The following UBE2H variants were observed in gnomAD, a reference collection of about 807,000 sequenced individuals.
The protein encoded by UBE2H is ubiquitin-conjugating enzyme E2 H.
In UBE2H, 3 loss-of-function variants were observed where a neutral mutation model predicts 29.0. That is an observed-to-expected ratio of 0.10 (90% CI 0.05 to 0.27). The LOEUF is 0.27. Among genes scored for constraint, UBE2H ranks in the 10% least tolerant of loss-of-function variants. The pLI is 1.00. For missense variants in UBE2H, 68 were observed against 228.2 expected (o/e 0.30, Z 4.52); for synonymous variants, 69 against 82.9 (o/e 0.83, Z 0.91).
intron 3 of UBE2H, among the ~76,000 whole-genome samples, chr7:129,870,870 C>T (rs919213117): frequency 2.0e-5 from 3 of 152,224 alleles, no homozygotes; most frequent in African/African-American, 7.2e-5. Context: ...GTGTCACACA[C>T]CTCACATTTT....
intron 1 of UBE2H, among the ~76,000 whole-genome samples, chr7:129,934,878 A>C (rs1000277672): frequency 4.6e-5 from 7 of 151,170 alleles, no homozygotes; most frequent in African/African-American, 1.7e-4. Flanking sequence ...AACAGACAGG[A>C]CAAGACCCCA....
Position 129,848,707 on chromosome 7 carries a change from G to T in UBE2H, c.298+8804C>A, listed in dbSNP as rs73469787. Among the ~76,000 whole-genome samples, 1,495 of 152,276 alleles carry T rather than the reference G, an allele frequency of 9.8e-3. 25 individuals carry two copies. Among genetic ancestry groups the T allele is most frequent in the African/African-American group, 0.034 (1,413 of 41,540 alleles). On this transcript the variant is annotated intron_variant, in intron 5 of 6. Coordinates refer to ENST00000355621, the MANE Select transcript of UBE2H (RefSeq NM_003344.4). Reference sequence around the variant, plus strand: ...TTAGGAACTGTATTGAATTCGTCATGAACTGCCACGCAAGTCATGAATTTT... The same window carrying T: ...TTAGGAACTGTATTGAATTCGTCATTAACTGCCACGCAAGTCATGAATTTT...
intron 1 of UBE2H, among the ~76,000 whole-genome samples, chr7:129,942,993 C>A (rs751704810): frequency 6.6e-6 from 1 of 151,990 alleles, no homozygotes; most frequent in Admixed American, 6.6e-5. Context: ...CAGGTGTGCA[C>A]CACCACACCC....
At chr7:129,888,778 A>G (rs1177744953) in intron 1 of UBE2H, among the ~76,000 whole-genome samples, 1 of 152,192 alleles carries the variant, frequency 6.6e-6, no homozygotes, top group East Asian at 1.9e-4. Context: ...CCCAGCCACA[A>G]AAACTACTCT....
At chr7:129,877,278 C>T (rs1053395896) in intron 3 of UBE2H, among the ~76,000 whole-genome samples, 1 of 152,120 alleles carries the variant, frequency 6.6e-6, no homozygotes, top group African/African-American at 2.4e-5. Context: ...GAACACTACA[C>T]CTACCCAGAT....
chr7:129,919,101 A>T (rs1402029882), intron 1 of UBE2H, among the ~76,000 whole-genome samples: 11 of 50,052 alleles, frequency 2.2e-4, no homozygotes, highest in African/African-American at 5.2e-4. Flanking sequence ...AAAACAAAGT[A>T]AAAAAAAAAA....
intron 6 of UBE2H, among the ~76,000 whole-genome samples, chr7:129,836,729 A>C (rs552410418): frequency 6.6e-6 from 1 of 151,898 alleles, no homozygotes; most frequent in East Asian, 1.9e-4. Context: ...AAATACAAAA[A>C]ACTAGCTGGA....
intron 5 of UBE2H, among the ~76,000 whole-genome samples, chr7:129,848,496 T>C (rs531291885): frequency 3.8e-4 from 58 of 152,322 alleles, no homozygotes; most frequent in Non-Finnish European, 6.5e-4. Context: ...GAGGAAAACA[T>C]GGACAAAAAT....
At chr7:129,945,223 C>T (rs1807739272) in intron 1 of UBE2H, among the ~76,000 whole-genome samples, 1 of 152,168 alleles carries the variant, frequency 6.6e-6, no homozygotes, top group South Asian at 2.1e-4. Context: ...TAAAACTTAT[C>T]AAAAGTATCA....
chr7:129,937,621 G>A (rs1037764422), intron 1 of UBE2H, among the ~76,000 whole-genome samples: 1 of 152,134 alleles, frequency 6.6e-6, no homozygotes, highest in African/African-American at 2.4e-5. Flanking sequence ...TCACATATAT[G>A]GCATTTGATA....
At chr7:129,921,034 T>A (rs1187811411) in intron 1 of UBE2H, among the ~76,000 whole-genome samples, 1 of 151,598 alleles carries the variant, frequency 6.6e-6, no homozygotes, top group Non-Finnish European at 1.5e-5. Context: ...TAGTTCCAAA[T>A]CAATATATAT....
intron 5 of UBE2H, among the ~76,000 whole-genome samples, chr7:129,855,930 T>C (rs543495128): frequency 3.7e-4 from 57 of 152,134 alleles, no homozygotes; most frequent in African/African-American, 1.2e-3. Flanking sequence ...AATTAAAAAA[T>C]ATATATACAA....
At chr7:129,928,160 G>T (rs919500764) in intron 1 of UBE2H, among the ~76,000 whole-genome samples, 6 of 151,740 alleles carry the variant, frequency 4.0e-5, no homozygotes, top group Non-Finnish European at 8.8e-5. Context: ...GTGAAACCCT[G>T]TGCCTACTAA....
chr7:129,938,141 T>C (rs1211632306), intron 1 of UBE2H, among the ~76,000 whole-genome samples: 1 of 152,078 alleles, frequency 6.6e-6, no homozygotes, highest in Non-Finnish European at 1.5e-5. Flanking sequence ...CCAGGCACAA[T>C]GGTTCACAAC....
intron 3 of UBE2H, among the ~76,000 whole-genome samples, chr7:129,861,206 G>C (rs1190914110): frequency 2.6e-5 from 4 of 151,346 alleles, no homozygotes; most frequent in Non-Finnish European, 4.4e-5. Context: ...CCTGGGTGAC[G>C]GAGTGAGACT....
intron 5 of UBE2H, among the ~76,000 whole-genome samples, chr7:129,844,692 A>G (rs1015758808): frequency 3.3e-5 from 5 of 152,252 alleles, no homozygotes; most frequent in African/African-American, 1.2e-4. Flanking sequence ...TATGATGAGC[A>G]AACAGCTCTT....
intron 1 of UBE2H, among the ~76,000 whole-genome samples, chr7:129,947,852 T>C (rs973680523): frequency 2.0e-5 from 3 of 151,932 alleles, no homozygotes; most frequent in African/African-American, 4.8e-5. Flanking sequence ...CCCAAACATA[T>C]GAGGATTTTT....
chr7:129,874,451 AG>A (rs938744695), intron 3 of UBE2H, among the ~76,000 whole-genome samples: 1 of 151,922 alleles, frequency 6.6e-6, no homozygotes, highest in Non-Finnish European at 1.5e-5. Flanking sequence ...CTGGGACTAC[AG>A]GTGCCCGCCA....
chr7:129,863,973 C>T (rs1805848867), intron 3 of UBE2H, among the ~76,000 whole-genome samples: 4 of 151,844 alleles, frequency 2.6e-5, no homozygotes, highest in East Asian at 1.9e-4. Context: ...TGTATTTTTT[C>T]GTAGAGATAG....
Sources: allele counts gnomAD v4.1 joint callset (sites outside exome capture counted in the v4.1 genomes callset), GRCh38; gene constraint gnomAD v4.1.1; transcripts MANE v1.5; gene names NCBI Gene and HGNC (gene_info 2026-07-23, HGNC 2026-07-21).